The following PLS1 variants were observed in gnomAD, a reference collection of about 807,000 sequenced individuals.
PLS1 encodes the protein plastin-1.
Under a neutral mutation model 73.7 loss-of-function variants are expected in PLS1, and 32 were observed. That is an observed-to-expected ratio of 0.43 (90% CI 0.33 to 0.58). The LOEUF (loss-of-function observed/expected upper bound fraction) is 0.58, where lower values mean the gene tolerates loss of function less well. PLS1 is among the 20% of genes least tolerant of loss of function. The probability of loss-of-function intolerance (pLI) is 0.04; values close to 1 mark genes in which losing one functional copy is unlikely to be tolerated. For missense variants in PLS1, 633 were observed against 740.5 expected (o/e 0.85, Z 1.68); for synonymous variants, 217 against 261.3 (o/e 0.83, Z 1.63).
At chr3:142,601,830 T>C (rs1173141190) in intron 1 of PLS1, among the ~76,000 whole-genome samples, 13 of 152,200 alleles carry the variant, frequency 8.5e-5, no homozygotes, top group Admixed American at 8.5e-4. Context: ...CCTCATTTTC[T>C]AGATGAGAAA....
intron 9 of PLS1, among the ~76,000 whole-genome samples, 189 bp from the exon 10 acceptor site, chr3:142,689,429 C>CATACATAAATAA (rs141970064): frequency 6.7e-6 from 1 of 148,480 alleles, no homozygotes; most frequent in African/African-American, 2.5e-5. Flanking sequence ...TCTCTAAATA[C>CATACATAAATAA]ATAAATAAAT....
intron 1 of PLS1, among the ~76,000 whole-genome samples, chr3:142,628,635 T>C (rs138802157): frequency 1.3e-4 from 20 of 152,310 alleles, no homozygotes; most frequent in African/African-American, 4.3e-4. Flanking sequence ...CACCTGTTAC[T>C]TATAATATCA....
intron 1 of PLS1, among the ~76,000 whole-genome samples, chr3:142,628,259 T>G (rs1430443674): frequency 2.6e-5 from 4 of 152,100 alleles, no homozygotes; most frequent in Non-Finnish European, 4.4e-5. Flanking sequence ...ATCTAGGCTG[T>G]TTAGCTTGAT....
chr3:142,712,926 T>A lies in PLS1; in HGVS notation c.*919T>A, dbSNP rs921049913. On this transcript the variant is annotated 3_prime_UTR_variant, in exon 16 of 16. Transcript: ENST00000457734. ...TAGTTATTTGACCCCTTCCAAATAC[T>A]TGTAGCCAAACATTGGCTAGAACAT... 6.6e-6 allele frequency: 1 copy of A among 152,588 alleles called. No homozygotes were observed. Among genetic ancestry groups the A allele is most frequent in the African/African-American group, 2.4e-5 (1 of 41,462 alleles). 9.5% of individuals were successfully genotyped at this position (152,588 alleles called of 1,614,324 possible). A position where few individuals can be genotyped will look rare whatever the true frequency, so the allele number is the denominator to read the frequency against.
At position 142,634,943 on chromosome 3, in the gene PLS1, C is replaced by G. The variant is rs1376660798; in HGVS notation, c.-36-29259C>G. Among the ~76,000 whole-genome samples, 3 of 147,296 alleles carry G rather than the reference C, an allele frequency of 2.0e-5. No individual in the cohort carries two copies. In the East Asian group the frequency reaches 6.0e-4, roughly 29 times the overall value. Reference sequence around the variant, plus strand: ...TTTTTTTTTTTTTGTCTTTTAGAGACAGTTTCTCACTCTGTCACCCAGGCT... The same window carrying G: ...TTTTTTTTTTTTTGTCTTTTAGAGAGAGTTTCTCACTCTGTCACCCAGGCT... On this transcript the variant is annotated intron_variant, in intron 1 of 15. Transcript: ENST00000457734.
At chr3:142,662,991 CTT>C (rs1426210388) in intron 1 of PLS1, among the ~76,000 whole-genome samples, 3 of 152,060 alleles carry the variant, frequency 2.0e-5, no homozygotes, top group Non-Finnish European at 2.9e-5. Flanking sequence ...GGGTAGATCA[CTT>C]GAGGTCAGGA....
intron 1 of PLS1, among the ~76,000 whole-genome samples, chr3:142,598,335 G>C (rs997873857): frequency 6.6e-6 from 1 of 152,172 alleles, no homozygotes; most frequent in African/African-American, 2.4e-5. Flanking sequence ...GGGAGGGAGT[G>C]GGGGAAGGAA....
intron 3 of PLS1, among the ~76,000 whole-genome samples, 163 bp from the exon 4 acceptor site, chr3:142,670,830 T>C (rs1157962761): frequency 6.6e-6 from 1 of 152,238 alleles, no homozygotes; most frequent in African/African-American, 2.4e-5. Context: ...CTATTTTGTG[T>C]TATTGGTAAA....
At chr3:142,641,235 C>T (rs2036829964) in intron 1 of PLS1, among the ~76,000 whole-genome samples, 1 of 140,856 alleles carries the variant, frequency 7.1e-6, no homozygotes, top group African/African-American at 2.6e-5. Context: ...TATATAATAT[C>T]TATATATCTA....
At chr3:142,634,889 G>A (rs1175503480) in intron 1 of PLS1, among the ~76,000 whole-genome samples, 1 of 151,182 alleles carries the variant, frequency 6.6e-6, no homozygotes, top group East Asian at 1.9e-4. Context: ...GGGTTTGAGC[G>A]GAAAAATGGA....
chr3:142,628,060 A>G (rs889897565), intron 1 of PLS1, among the ~76,000 whole-genome samples: 1 of 152,238 alleles, frequency 6.6e-6, no homozygotes, highest in Non-Finnish European at 1.5e-5. Flanking sequence ...CAATGTCTAC[A>G]TAAAAGAAGC....
At chr3:142,692,442 C>T (rs1262908935) in intron 10 of PLS1, among the ~76,000 whole-genome samples, 2 of 152,128 alleles carry the variant, frequency 1.3e-5, no homozygotes. Flanking sequence ...ATCTGGAACA[C>T]ATATATCTTT....
At chr3:142,643,866 G>A (rs1027786663) in intron 1 of PLS1, among the ~76,000 whole-genome samples, 2 of 109,276 alleles carry the variant, frequency 1.8e-5, no homozygotes, top group African/African-American at 7.4e-5. Context: ...TTTCGCTCTT[G>A]TCACCCAGGC....
At chr3:142,610,116 G>A (rs576332169) in intron 1 of PLS1, among the ~76,000 whole-genome samples, 10 of 152,280 alleles carry the variant, frequency 6.6e-5, no homozygotes, top group African/African-American at 1.2e-4. Flanking sequence ...TGATCCATCC[G>A]CCTCGGCCTC....
At chr3:142,628,035 T>A (rs1051521302) in intron 1 of PLS1, 44 of 152,218 alleles carry the variant, frequency 2.9e-4, no homozygotes, top group African/African-American at 1.0e-3. Flanking sequence ...ACCTCTATAC[T>A]GAGTCATCTA....
At chr3:142,658,046 A>T (rs1234674475) in intron 1 of PLS1, among the ~76,000 whole-genome samples, 1 of 152,026 alleles carries the variant, frequency 6.6e-6, no homozygotes, top group African/African-American at 2.4e-5. Flanking sequence ...TTTAAGAATA[A>T]TTTTTTATAA....
intron 1 of PLS1, among the ~76,000 whole-genome samples, chr3:142,612,622 T>G (rs1042116976): frequency 6.6e-6 from 1 of 152,110 alleles, no homozygotes; most frequent in Non-Finnish European, 1.5e-5. Context: ...TGTGGTGTTG[T>G]GCACCTATAC....
intron 1 of PLS1, among the ~76,000 whole-genome samples, chr3:142,606,663 A>G (rs761873517): frequency 6.6e-6 from 1 of 152,162 alleles, no homozygotes; most frequent in African/African-American, 2.4e-5. Flanking sequence ...ATATTTGCCT[A>G]TTCTTGAAAT....
intron 1 of PLS1, among the ~76,000 whole-genome samples, chr3:142,617,445 A>G (rs184561065): frequency 4.6e-5 from 7 of 152,224 alleles, no homozygotes; most frequent in Non-Finnish European, 1.0e-4. Flanking sequence ...ACTGTGCTTA[A>G]TCTGCACTTG....
Sources: gnomAD v4.1 joint callset for allele counts (sites outside exome capture counted in the v4.1 genomes callset) on GRCh38, gnomAD v4.1.1 for gene constraint, MANE v1.5 for transcripts, NCBI Gene and HGNC (gene_info 2026-07-23, HGNC 2026-07-21) for gene names.